Variants in DLGAP1 observed in about 807,000 individuals in gnomAD.
DLGAP1 encodes disks large-associated protein 1.
Under a neutral mutation model 90.8 loss-of-function variants are expected in DLGAP1, and 11 were observed. The ratio of observed to expected loss-of-function variants is 0.12; its 90% CI spans 0.08 to 0.20. The LOEUF is 0.20. DLGAP1 is among the 10% of genes least tolerant of loss of function. The probability of loss-of-function intolerance (pLI) is 1.00; values close to 1 mark genes in which losing one functional copy is unlikely to be tolerated. For missense variants in DLGAP1, 1,050 were observed against 1,333.8 expected (o/e 0.79, Z 3.31); for synonymous variants, 558 against 540.7 (o/e 1.03, Z -0.44).
At chr18:4,213,770 A>G (rs902693640) in intron 1 of DLGAP1, among the ~76,000 whole-genome samples, 2 of 152,198 alleles carry the variant, frequency 1.3e-5, no homozygotes, top group African/African-American at 4.8e-5. Flanking sequence ...AAATACAAGA[A>G]CAAGTCTTGG....
At chr18:4,435,610 G>A (rs2083383237) in intron 1 of DLGAP1, among the ~76,000 whole-genome samples, 1 of 152,156 alleles carries the variant, frequency 6.6e-6, no homozygotes. Context: ...AAATCACCAT[G>A]ATTTAGCTGC....
chr18:4,335,860 T>G (rs2081056871), intron 1 of DLGAP1, among the ~76,000 whole-genome samples: 1 of 152,338 alleles, frequency 6.6e-6, no homozygotes, highest in African/African-American at 2.4e-5. Flanking sequence ...CTTTTGAAAT[T>G]GAAAATTCTA....
rs548646438 is a variant in DLGAP1 at position 4,250,407 on chromosome 18, T to C, written c.-266-99120A>G. On this transcript the variant is annotated intron_variant, in intron 1 of 12. Transcript: ENST00000315677. Reference sequence around the variant, plus strand: ...AACGAAAAATAATGTCATCAGCTGCTGTGTCACACTGTTCCTCTGTACCTG... The same window carrying C: ...AACGAAAAATAATGTCATCAGCTGCCGTGTCACACTGTTCCTCTGTACCTG... Among the ~76,000 whole-genome samples, 4 of 152,364 alleles carry C rather than the reference T, an allele frequency of 2.6e-5. No individual in the cohort carries two copies. In the South Asian group the frequency reaches 8.3e-4, roughly 32 times the overall value.
chr18:4,415,894 T>C (rs961063292), intron 1 of DLGAP1, among the ~76,000 whole-genome samples: 1 of 152,178 alleles, frequency 6.6e-6, no homozygotes, highest in Non-Finnish European at 1.5e-5. Flanking sequence ...TTATTAATTA[T>C]ATTGGTAAGT....
chr18:3,894,623 T>C (rs1305125618), intron 3 of DLGAP1: 2 of 152,236 alleles, frequency 1.3e-5, no homozygotes, highest in Non-Finnish European at 2.9e-5. Flanking sequence ...ATATGATGCC[T>C]GTAGCTTTGT....
intron 5 of DLGAP1, among the ~76,000 whole-genome samples, chr18:3,754,809 T>C (rs1298205297): frequency 1.3e-5 from 2 of 151,514 alleles, no homozygotes; most frequent in African/African-American, 4.9e-5. Flanking sequence ...GGCAGGAGAA[T>C]TGCTTGAACC....
intron 7 of DLGAP1, chr18:3,721,666 GC>G (rs1394302971): frequency 6.6e-6 from 1 of 152,118 alleles, no homozygotes; most frequent in Non-Finnish European, 1.5e-5. Context: ...GAAGCTAAAT[GC>G]ATATTTGCGA....
intron 5 of DLGAP1, among the ~76,000 whole-genome samples, chr18:3,765,117 C>CTTTTTTTTTTTTTTTTTTTTTTT (rs921982904): frequency 7.9e-6 from 1 of 126,414 alleles, no homozygotes; most frequent in East Asian, 2.9e-4. Flanking sequence ...CACTTGCAAA[C>CTTTTTTTTTTTTTTTTTTTTTTT]TTTTTTTTTT....
intron 4 of DLGAP1, among the ~76,000 whole-genome samples, chr18:3,829,139 CTACTT>C (rs1371384761): frequency 6.6e-6 from 1 of 152,248 alleles, no homozygotes; most frequent in African/African-American, 2.4e-5. Flanking sequence ...AAATCTGACT[CTACTT>C]AGACCAGACA....
At chr18:4,396,410 A>G (rs927169291) in intron 1 of DLGAP1, among the ~76,000 whole-genome samples, 2 of 152,200 alleles carry the variant, frequency 1.3e-5, no homozygotes, top group African/African-American at 4.8e-5. Context: ...GAGGACCCAG[A>G]GTTTATCCAA....
intron 3 of DLGAP1, among the ~76,000 whole-genome samples, chr18:3,951,015 A>G (rs903878813): frequency 1.3e-5 from 2 of 152,234 alleles, no homozygotes; most frequent in Non-Finnish European, 2.9e-5. Flanking sequence ...AAGGCAAATC[A>G]TCATTCAGCT....
At chr18:3,568,136 T>G (rs2054541951) in intron 8 of DLGAP1, among the ~76,000 whole-genome samples, 1 of 152,212 alleles carries the variant, frequency 6.6e-6, no homozygotes, top group Admixed American at 6.5e-5. Context: ...TGATCTCAAG[T>G]GTTCTGCCCG....
intron 1 of DLGAP1, among the ~76,000 whole-genome samples, chr18:4,197,494 G>C (rs934931504): frequency 1.3e-5 from 2 of 152,112 alleles, no homozygotes; most frequent in African/African-American, 2.4e-5. Context: ...CTGTATTGGA[G>C]GAAGATAACA....
chr18:3,796,149 A>G (rs1375317243), intron 5 of DLGAP1, among the ~76,000 whole-genome samples: 5 of 147,390 alleles, frequency 3.4e-5, no homozygotes, highest in Admixed American at 6.9e-5. Flanking sequence ...TCTGGGTTCT[A>G]ATGCAGACAT....
intron 7 of DLGAP1, among the ~76,000 whole-genome samples, chr18:3,604,914 C>T (rs1416026942): frequency 6.6e-6 from 1 of 152,144 alleles, no homozygotes; most frequent in Non-Finnish European, 1.5e-5. Context: ...GTGTGCGTGT[C>T]CCCGGATCTG....
At chr18:4,253,943 A>C (rs1233008716) in intron 1 of DLGAP1, among the ~76,000 whole-genome samples, 4 of 152,308 alleles carry the variant, frequency 2.6e-5, no homozygotes, top group Admixed American at 2.6e-4. Flanking sequence ...TGGCAGCCTG[A>C]GACTGCCACC....
intron 1 of DLGAP1, among the ~76,000 whole-genome samples, chr18:4,215,449 T>C (rs908644250): frequency 1.3e-5 from 2 of 152,180 alleles, no homozygotes; most frequent in Non-Finnish European, 2.9e-5. Flanking sequence ...TCTCATTCTT[T>C]GAACGGCGTA....
intron 5 of DLGAP1, among the ~76,000 whole-genome samples, chr18:3,756,067 T>G (rs181443489): frequency 1.1e-3 from 164 of 152,160 alleles, no homozygotes; most frequent in African/African-American, 3.3e-3. Context: ...TTTTTTTTTT[T>G]GAGGTGGAGT....
At chr18:4,258,698 G>A (rs886294192) in intron 1 of DLGAP1, among the ~76,000 whole-genome samples, 5 of 152,100 alleles carry the variant, frequency 3.3e-5, no homozygotes, top group Non-Finnish European at 5.9e-5. Flanking sequence ...CATTTCAATA[G>A]TTTCTTAACT....
Sources: allele counts gnomAD v4.1 joint callset (sites outside exome capture counted in the v4.1 genomes callset), GRCh38; gene constraint gnomAD v4.1.1; transcripts MANE v1.5; gene names NCBI Gene and HGNC (gene_info 2026-07-23, HGNC 2026-07-21).